Variants in PADI2 observed in about 807,000 individuals in gnomAD.
PADI2 encodes protein-arginine deiminase type-2.
A neutral mutation model predicts 81.1 loss-of-function variants in PADI2; 70 were observed. That is an observed-to-expected ratio of 0.86 (90% CI 0.71 to 1.05). The LOEUF is 1.05. Among genes scored for constraint, PADI2 ranks in the 50% least tolerant of loss-of-function variants. The pLI, the probability that PADI2 is intolerant of heterozygous loss-of-function variation, is 0.00. For synonymous variants in PADI2, 338 were observed against 358.0 expected, an observed-to-expected ratio of 0.94 and a Z score of 0.63; for missense variants, 853 against 889.9, an observed-to-expected ratio of 0.96 and a Z score of 0.53.
At chr1:17,110,435 C>A (rs927333707) in intron 1 of PADI2, among the ~76,000 whole-genome samples, 1 of 152,090 alleles carries the variant, frequency 6.6e-6, no homozygotes, top group South Asian at 2.1e-4. Flanking sequence ...ATGCACCTGC[C>A]CTTCTTGGCT....
At chr1:17,091,904 G>T (rs1930712586) in intron 6 of PADI2, among the ~76,000 whole-genome samples, 1 of 152,180 alleles carries the variant, frequency 6.6e-6, no homozygotes, top group Non-Finnish European at 1.5e-5. Context: ...CACAGACAGG[G>T]TGAGGCAGAG....
intron 1 of PADI2, among the ~76,000 whole-genome samples, chr1:17,112,660 GGTGGGCAGCT>G (rs1364212574): frequency 1.3e-5 from 2 of 152,116 alleles, no homozygotes; most frequent in Admixed American, 6.5e-5. Flanking sequence ...GGGCCCTGTG[GGTGGGCAGCT>G]GCCCTGAACA....
intron 1 of PADI2, 74 bp from the exon 2 acceptor site, chr1:17,105,135 CTG>C: frequency 9.2e-7 from 1 of 1,081,538 alleles, no homozygotes; most frequent in Non-Finnish European, 1.3e-6. Context: ...GAGGAGACTC[CTG>C]CTTCCAGCAC....
chr1:17,092,345 T>C (rs560931399), intron 6 of PADI2, 63 bp downstream of exon 6: 2 of 1,426,858 alleles, frequency 1.4e-6, no homozygotes, highest in Non-Finnish European at 1.9e-6. Context: ...AGGCCACAAC[T>C]GCTAAGGGGA....
At chr1:17,114,894 C>A (rs1931705816) in intron 1 of PADI2, among the ~76,000 whole-genome samples, 1 of 152,088 alleles carries the variant, frequency 6.6e-6, no homozygotes, top group Non-Finnish European at 1.5e-5. Flanking sequence ...GCCAGCGTGG[C>A]CGGAATGGAG....
At chr1:17,080,791 T>C (rs1416561663) in intron 10 of PADI2, among the ~76,000 whole-genome samples, 5 of 152,306 alleles carry the variant, frequency 3.3e-5, no homozygotes, top group Middle Eastern at 3.4e-3. Flanking sequence ...GGAATCTTGT[T>C]TGGGAGCTTG....
chr1:17,071,730 G>C (rs1370499621), intron 13 of PADI2, among the ~76,000 whole-genome samples: 3 of 152,328 alleles, frequency 2.0e-5, no homozygotes, highest in South Asian at 4.1e-4. Flanking sequence ...CCAGGACAGT[G>C]GTGGCAGCTG....
chr1:17,088,646 C>T (rs913699086), intron 6 of PADI2, among the ~76,000 whole-genome samples: 1 of 152,008 alleles, frequency 6.6e-6, no homozygotes, highest in Non-Finnish European at 1.5e-5. Context: ...CAGTAGCTCA[C>T]GCCTGTAATC....
chr1:17,118,218 C>T (rs1402988785), intron 1 of PADI2, among the ~76,000 whole-genome samples: 2 of 152,042 alleles, frequency 1.3e-5, no homozygotes, highest in African/African-American at 2.4e-5. Flanking sequence ...ATGGTGCCTC[C>T]GTGTGAGTTC....
intron 13 of PADI2, 33 bp from the exon 14 acceptor site, chr1:17,071,524 CT>C: frequency 6.6e-7 from 1 of 1,526,232 alleles, no homozygotes; most frequent in Non-Finnish European, 9.1e-7. Context: ...GATGGTCAAG[CT>C]TTAGATACCC....
At position 17,074,975 on chromosome 1, in the gene PADI2, G is replaced by C. The variant is rs550257327; in HGVS notation, c.1456-26C>G. 1.2e-4 allele frequency: 178 copies of C among 1,537,506 alleles called. 7 individuals are homozygous for C. In the South Asian group the frequency reaches 2.0e-3, roughly 17 times the overall value. On this transcript the variant is annotated intron_variant, in intron 12 of 15. Coordinates refer to ENST00000375486, the MANE Select transcript of PADI2 (RefSeq NM_007365.3). ...CTGCAAGAGACAGTCCAGAGGGACAGAGTCAGCAGTGGGAAGGCACCCAAG... is the reference window on the plus strand; with the variant it reads ...CTGCAAGAGACAGTCCAGAGGGACACAGTCAGCAGTGGGAAGGCACCCAAG...
intron 13 of PADI2, 67 bp from the exon 14 acceptor site, chr1:17,071,558 C>T (rs2078264940): frequency 7.9e-7 from 1 of 1,259,944 alleles, no homozygotes; most frequent in Non-Finnish European, 1.2e-6. Flanking sequence ...CCCCTTTTGC[C>T]AAGATCCTCC....
chr1:17,071,744 T>C lies in PADI2; in HGVS notation c.1550-253A>G, dbSNP rs546768615. Among the ~76,000 whole-genome samples, 23 of 152,322 alleles carry C rather than the reference T, an allele frequency of 1.5e-4. 1 individual carries two copies. In the South Asian group the frequency reaches 4.8e-3, roughly 32 times the overall value. On this transcript the variant is annotated intron_variant, in intron 13 of 15. Coordinates refer to ENST00000375486, the MANE Select transcript of PADI2 (RefSeq NM_007365.3). The stretch of plus-strand genomic sequence containing the variant: ...GCCAGGACAGTGGTGGCAGCTGCCT[T>C]GCTCTTGCTTTGGCCAGTGGGATCA...
chr1:17,106,000 T>C (rs1343064194), intron 1 of PADI2, among the ~76,000 whole-genome samples: 2 of 152,128 alleles, frequency 1.3e-5, no homozygotes, highest in African/African-American at 2.4e-5. Flanking sequence ...TTTGCTCCAC[T>C]AGCAGAGCTG....
chr1:17,069,451 C>T (rs1004196171), intron 15 of PADI2, among the ~76,000 whole-genome samples, 174 bp from the exon 16 acceptor site: 1 of 152,206 alleles, frequency 6.6e-6, no homozygotes, highest in Non-Finnish European at 1.5e-5. Context: ...AGTGGAAAAC[C>T]AGGCAATCTG....
chr1:17,073,850 C>T (rs893986339), intron 13 of PADI2, among the ~76,000 whole-genome samples: 5 of 152,138 alleles, frequency 3.3e-5, no homozygotes, highest in Non-Finnish European at 7.4e-5. Flanking sequence ...TCCCTCTTTC[C>T]GTGATTAATT....
intron 10 of PADI2, among the ~76,000 whole-genome samples, chr1:17,081,370 C>T (rs1194472443): frequency 2.0e-5 from 3 of 152,212 alleles, no homozygotes; most frequent in South Asian, 4.1e-4. Flanking sequence ...AACTGAGGCT[C>T]GTGGAAGGTA....
intron 11 of PADI2, among the ~76,000 whole-genome samples, chr1:17,078,428 GTCTC>G (rs2078321050): frequency 6.7e-6 from 1 of 149,622 alleles, no homozygotes; most frequent in African/African-American, 2.5e-5. Context: ...TTTTGCCAGA[GTCTC>G]TCTCTCACCC....
At chr1:17,118,007 G>A (rs951091672) in intron 1 of PADI2, among the ~76,000 whole-genome samples, 2 of 152,194 alleles carry the variant, frequency 1.3e-5, no homozygotes, top group African/African-American at 4.8e-5. Context: ...TGAGGCCAGG[G>A]ACAGAGGCAT....
Sources: allele counts gnomAD v4.1 joint callset (sites outside exome capture counted in the v4.1 genomes callset), GRCh38; gene constraint gnomAD v4.1.1; transcripts MANE v1.5; gene names NCBI Gene and HGNC (gene_info 2026-07-23, HGNC 2026-07-21).